The following PHF21A variants were observed in gnomAD, a reference collection of about 807,000 sequenced individuals.
PHF21A encodes BHC80a.
A neutral mutation model predicts 82.5 loss-of-function variants in PHF21A; 11 were observed. The observed-to-expected ratio is 0.13, with a 90% CI of 0.08 to 0.22. PHF21A has a LOEUF of 0.22. PHF21A is among the 10% of genes least tolerant of loss of function. PHF21A has a pLI of 1.00. For synonymous variants in PHF21A, 297 were observed against 302.8 expected (o/e 0.98, Z 0.20); for missense variants, 579 against 837.8 (o/e 0.69, Z 3.81).
chr11:45,933,808 AACTCTGGTGCC>A lies in PHF21A; in HGVS notation c.*149_*159del, dbSNP rs2088045577. On this transcript the variant is annotated 3_prime_UTR_variant, in exon 19 of 19. Coordinates refer to ENST00000676320, the MANE Select transcript of PHF21A (RefSeq NM_001352027.3). Reference sequence around the variant, plus strand: ...ACAGAATAAGAAGGATCAATTGGCAAACTCTGGTGCCACCTGGCACAAGCATCTTCTCTCTC... The same window carrying A: ...ACAGAATAAGAAGGATCAATTGGCAAACCTGGCACAAGCATCTTCTCTCTC... 1 of 632,108 alleles carries A rather than the reference AACTCTGGTGCC, an allele frequency of 1.6e-6. No homozygotes were observed. The highest frequency in any genetic ancestry group is 1.9e-5 in the African/African-American group (1 of 53,836). 39.2% of individuals were successfully genotyped at this position (632,108 alleles called of 1,614,324 possible).
chr11:45,950,707 ATC>A (rs1291493165), intron 11 of PHF21A, among the ~76,000 whole-genome samples: 1 of 152,160 alleles, frequency 6.6e-6, no homozygotes, highest in Non-Finnish European at 1.5e-5. Context: ...AATGACAGAA[ATC>A]AGTATCTTGT....
At chr11:45,958,422 AT>A (rs1565255843) in intron 10 of PHF21A, among the ~76,000 whole-genome samples, 15 of 14,320 alleles carry the variant, frequency 1.0e-3, no homozygotes, top group African/African-American at 1.4e-3. Flanking sequence ...AAAAAAAAAT[AT>A]ATATATATAT....
At chr11:46,039,184 A>G (rs2096073920) in intron 6 of PHF21A, among the ~76,000 whole-genome samples, 1 of 152,198 alleles carries the variant, frequency 6.6e-6, no homozygotes, top group Non-Finnish European at 1.5e-5. Context: ...TATGCTCTCA[A>G]ATCTTACTGA....
chr11:45,962,704 C>T (rs11038728), intron 10 of PHF21A, among the ~76,000 whole-genome samples: 102,154 of 117,680 alleles, frequency 0.87, 44,844 homozygotes, highest in East Asian at 1. Context: ...CCAGCCTGGC[C>T]AACATGGTGA....
chr11:45,949,263 A>G (rs561815123), intron 13 of PHF21A, 139 bp downstream of exon 13: 149 of 745,102 alleles, frequency 2.0e-4, no homozygotes, highest in Non-Finnish European at 3.3e-4. Flanking sequence ...TGATAAGTCA[A>G]AAAAAATCTA....
intron 6 of PHF21A, among the ~76,000 whole-genome samples, chr11:46,072,009 TTAAATATTATAC>T (rs1336496600): frequency 1.3e-5 from 2 of 152,178 alleles, no homozygotes; most frequent in African/African-American, 2.4e-5. Context: ...ATATTCTATG[TTAAATATTATAC>T]TAAATATTAT....
rs544676843 is a variant in PHF21A, at chr11:45,980,896, G to A, written c.154-930C>T. Among the ~76,000 whole-genome samples the A allele has an allele frequency of 4.6e-5, 7 of 152,266 alleles. No individual in the cohort carries two copies. The South Asian group carries it at 8.3e-4, about 18-fold the overall frequency. ...GGACAGGTTCTGTGGCGGTACACAC[G>A]TTTGTTTAGGCAGAGTAGGGATTTA... On this transcript the variant is annotated intron_variant, in intron 6 of 18. Transcript: ENST00000676320.
chr11:45,965,293 C>G, intron 10 of PHF21A, 22 bp downstream of exon 10: 17 of 1,609,760 alleles, frequency 1.1e-5, no homozygotes, highest in Non-Finnish European at 1.4e-5. Context: ...CTGCCCAGAG[C>G]AGGTACATAC....
intron 6 of PHF21A, among the ~76,000 whole-genome samples, chr11:46,006,292 A>G (rs1180421250): frequency 6.6e-6 from 1 of 152,250 alleles, no homozygotes; most frequent in African/African-American, 2.4e-5. Context: ...TTATTTTAAT[A>G]GGGCAAAAAA....
intron 6 of PHF21A, among the ~76,000 whole-genome samples, chr11:46,050,934 T>C (rs549728655): frequency 1.3e-5 from 2 of 152,266 alleles, no homozygotes; most frequent in Non-Finnish European, 2.9e-5. Flanking sequence ...GCTACACAGA[T>C]TTTTTTCTAG....
intron 6 of PHF21A, among the ~76,000 whole-genome samples, chr11:46,046,001 T>C (rs1283670152): frequency 1.3e-5 from 2 of 152,180 alleles, no homozygotes; most frequent in Non-Finnish European, 2.9e-5. Context: ...GAAGAAAAGA[T>C]AAAAACACAA....
intron 1 of PHF21A, among the ~76,000 whole-genome samples, chr11:46,098,572 G>A (rs1565983270): frequency 6.6e-6 from 1 of 152,104 alleles, no homozygotes; most frequent in African/African-American, 2.4e-5. Flanking sequence ...AGCTTCCATA[G>A]CTCTCACGAA....
intron 10 of PHF21A, among the ~76,000 whole-genome samples, chr11:45,964,951 C>T (rs2093343698): frequency 6.6e-6 from 1 of 152,188 alleles, no homozygotes; most frequent in Admixed American, 6.5e-5. Flanking sequence ...CACAGTCCTA[C>T]CTTCATCTGG....
Position 46,030,830 on chromosome 11 carries a change from C to CGTGTGTGT in PHF21A, c.153+45916_153+45923dup, listed in dbSNP as rs71038879. Among the ~76,000 whole-genome samples, 745 of 142,304 alleles carry CGTGTGTGT rather than the reference C, an allele frequency of 5.2e-3. 5 individuals carry two copies. The highest frequency in any genetic ancestry group is 5.8e-3 in the East Asian group (29 of 4,990). 93.4% of individuals were successfully genotyped at this position (142,304 alleles called of 152,430 possible). A position where few individuals can be genotyped will look rare whatever the true frequency, so the allele number is the denominator to read the frequency against. ...TAGTGTGTGTGTGTGCGTGTGTGTG[C>CGTGTGTGT]GTGTGTGTGTGTGTGTGTGTGTGTG... On this transcript the variant is annotated intron_variant, in intron 6 of 18. Coordinates refer to ENST00000676320, the MANE Select transcript of PHF21A (RefSeq NM_001352027.3).
At chr11:45,952,585 T>C (rs2092263347) in intron 11 of PHF21A, among the ~76,000 whole-genome samples, 1 of 152,240 alleles carries the variant, frequency 6.6e-6, no homozygotes, top group Admixed American at 6.5e-5. Flanking sequence ...GTACTTCTTT[T>C]TGGCTTAAGT....
At chr11:46,106,841 A>G (rs1237596902) in intron 1 of PHF21A, among the ~76,000 whole-genome samples, 1 of 152,232 alleles carries the variant, frequency 6.6e-6, no homozygotes, top group Non-Finnish European at 1.5e-5. Context: ...AACTCTGAGG[A>G]AAACAAGTAA....
At chr11:46,111,896 T>C (rs1170290185) in intron 1 of PHF21A, among the ~76,000 whole-genome samples, 1 of 152,236 alleles carries the variant, frequency 6.6e-6, no homozygotes. Context: ...CAGTGATAGA[T>C]TGGTACATGC....
chr11:46,111,076 C>T (rs1332260761), intron 1 of PHF21A, among the ~76,000 whole-genome samples: 3 of 151,326 alleles, frequency 2.0e-5, no homozygotes, highest in South Asian at 2.1e-4. Flanking sequence ...TGAGCCACCG[C>T]GCCTGGCCAT....
intron 6 of PHF21A, among the ~76,000 whole-genome samples, chr11:46,022,013 T>G (rs1345577645): frequency 6.6e-6 from 1 of 152,110 alleles, no homozygotes; most frequent in Non-Finnish European, 1.5e-5. Flanking sequence ...GAAGCAGAGA[T>G]AACTAAGCAA....
Sources: allele counts gnomAD v4.1 joint callset (sites outside exome capture counted in the v4.1 genomes callset), GRCh38; gene constraint gnomAD v4.1.1; transcripts MANE v1.5; gene names NCBI Gene and HGNC (gene_info 2026-07-23, HGNC 2026-07-21).